The following ANKS6 variants were observed in gnomAD, a reference collection of about 807,000 sequenced individuals.
ANKS6 encodes the protein ankyrin repeat and SAM domain-containing protein 6.
Under a neutral mutation model 77.9 loss-of-function variants are expected in ANKS6, and 47 were observed. The ratio of observed to expected loss-of-function variants is 0.60; its 90% CI spans 0.48 to 0.77. ANKS6 has a LOEUF of 0.77. ANKS6 is among the 30% of genes least tolerant of loss of function. ANKS6 has a pLI of 0.00. For missense variants in ANKS6, 1,150 were observed against 1,159.1 expected (o/e 0.99, Z 0.11); for synonymous variants, 488 against 501.7 (o/e 0.97, Z 0.37).
rs1026000437 is a variant in ANKS6, at chr9:98,793,570, GAGTGCAGT to G, written c.359+2555_359+2562del. On this transcript the variant is annotated intron_variant, in intron 1 of 14. Coordinates refer to ENST00000353234, the MANE Select transcript of ANKS6 (RefSeq NM_173551.5). ...GGAGTCTCGCTCTGTCGCCAGGCTG[GAGTGCAGT>G]GGCGCGATCTCAGCTTACTGCAACC... 1.6e-3 allele frequency among the ~76,000 whole-genome samples: 241 copies of G among 152,126 alleles called. 1 individual carries two copies. The highest frequency in any genetic ancestry group is 5.4e-3 in the African/African-American group (226 of 41,520).
chr9:98,766,300 A>G (rs1328287220), intron 11 of ANKS6, among the ~76,000 whole-genome samples: 1 of 152,214 alleles, frequency 6.6e-6, no homozygotes, highest in African/African-American at 2.4e-5. Flanking sequence ...AGAATAGTTA[A>G]TATAATTTAT....
chr9:98,735,809 T>G lies in ANKS6; in HGVS notation c.*710A>C, dbSNP rs1831466441. Reference sequence around the variant, plus strand: ...AAGAAAAATGCGTTTGACATACACATCTCCAATGTAAGCTGTATGCAGCAG... The same window carrying G: ...AAGAAAAATGCGTTTGACATACACAGCTCCAATGTAAGCTGTATGCAGCAG... On this transcript the variant is annotated 3_prime_UTR_variant, in exon 15 of 15. Coordinates refer to ENST00000353234, the MANE Select transcript of ANKS6 (RefSeq NM_173551.5). 8.1e-7 allele frequency: 1 copy of G among 1,231,528 alleles called. No homozygotes were observed. Among genetic ancestry groups the G allele is most frequent in the Admixed American group, 4.2e-5 (1 of 23,688 alleles). The allele number at this position is 1,231,528 out of a possible 1,614,324, so 76.3% of individuals were successfully genotyped here.
chr9:98,756,391 G>T (rs1380422292), intron 12 of ANKS6, 29 bp downstream of exon 12: 5 of 1,604,210 alleles, frequency 3.1e-6, no homozygotes, highest in Non-Finnish European at 3.4e-6. Context: ...AGAGGAATAG[G>T]TGGGGTTTCA....
At chr9:98,755,652 G>A (rs1258388624) in intron 12 of ANKS6, among the ~76,000 whole-genome samples, 1 of 152,152 alleles carries the variant, frequency 6.6e-6, no homozygotes, top group Non-Finnish European at 1.5e-5. Flanking sequence ...TTTCCTTTGA[G>A]GAACTATTTC....
At chr9:98,751,447 G>A (rs1367941811) in intron 12 of ANKS6, among the ~76,000 whole-genome samples, 2 of 152,218 alleles carry the variant, frequency 1.3e-5, no homozygotes, top group Non-Finnish European at 2.9e-5. Context: ...GTGTGAGAAA[G>A]CACCATAAAT....
intron 3 of ANKS6, 146 bp from the exon 4 acceptor site, chr9:98,784,303 T>A: frequency 3.0e-6 from 2 of 656,158 alleles, no homozygotes; most frequent in Non-Finnish European, 4.8e-6. Context: ...TAAGAGGGCG[T>A]CAGAGATAGC....
At chr9:98,753,000 C>A (rs1164728550) in intron 12 of ANKS6, among the ~76,000 whole-genome samples, 1 of 152,046 alleles carries the variant, frequency 6.6e-6, no homozygotes, top group East Asian at 1.9e-4. Context: ...CTGTTCCCTA[C>A]ACATGCAGCC....
rs143839394 is a variant in ANKS6, at chr9:98,751,690, G to C, written c.2327-594C>G. Among the ~76,000 whole-genome samples, 340 of 152,304 alleles carry C rather than the reference G, an allele frequency of 2.2e-3. 1 individual carries two copies. The highest frequency in any genetic ancestry group is 7.7e-3 in the African/African-American group (319 of 41,564). ...GAATAAAGAAAAGGAGACAAAACCA[G>C]CACCTGAGGGGCTTGGAGAAATATT... is the stretch of plus-strand genomic sequence containing the variant. On this transcript the variant is annotated intron_variant, in intron 12 of 14. Transcript: ENST00000353234.
chr9:98,741,584 A>G (rs1831831666), intron 14 of ANKS6, among the ~76,000 whole-genome samples: 1 of 152,246 alleles, frequency 6.6e-6, no homozygotes, highest in Non-Finnish European at 1.5e-5. Context: ...TATGCACTGC[A>G]TTGACAATCA....
At chr9:98,790,018 T>C in intron 2 of ANKS6, 86 bp downstream of exon 2, 2 of 1,484,746 alleles carry the variant, frequency 1.3e-6, no homozygotes, top group Non-Finnish European at 1.8e-6. Context: ...GTTCTGCGTG[T>C]CCTTCCAGTA....
At chr9:98,789,265 C>T (rs536852857) in intron 2 of ANKS6, among the ~76,000 whole-genome samples, 27 of 151,974 alleles carry the variant, frequency 1.8e-4, no homozygotes, top group Admixed American at 1.1e-3. Context: ...TGAGTCCTGC[C>T]GTCGAAGTCA....
At chr9:98,788,990 T>G (rs982699972) in intron 2 of ANKS6, among the ~76,000 whole-genome samples, 1 of 152,164 alleles carries the variant, frequency 6.6e-6, no homozygotes, top group Non-Finnish European at 1.5e-5. Flanking sequence ...TACAGGCTTT[T>G]AAAACATGTT....
chr9:98,754,764 T>C (rs1488628985), intron 12 of ANKS6, among the ~76,000 whole-genome samples: 1 of 152,196 alleles, frequency 6.6e-6, no homozygotes, highest in Non-Finnish European at 1.5e-5. Flanking sequence ...CTAAGCTTTA[T>C]GAACCAGAGA....
intron 12 of ANKS6, among the ~76,000 whole-genome samples, chr9:98,752,626 C>A (rs1018522003): frequency 1.3e-5 from 2 of 152,180 alleles, no homozygotes; most frequent in Non-Finnish European, 2.9e-5. Context: ...CTTTACAACA[C>A]CAATGAGGTA....
At chr9:98,748,344 G>C (rs1234216073) in intron 13 of ANKS6, among the ~76,000 whole-genome samples, 1 of 152,096 alleles carries the variant, frequency 6.6e-6, no homozygotes, top group African/African-American at 2.4e-5. Context: ...CTTGTGAAGG[G>C]GTAGCAGGAA....
chr9:98,794,054 A>G (rs62561321), intron 1 of ANKS6, among the ~76,000 whole-genome samples: 143,346 of 149,220 alleles, frequency 0.96, 69,095 homozygotes, highest in African/African-American at 0.99. Context: ...GGAGGCTGAG[A>G]CAGGAGAATC....
chr9:98,768,210 C>T lies in ANKS6; in HGVS notation c.2013G>A (p.Gln671=). ...IDNVLSQIAA[Q]RKKAAGLLEQ... ...CCAATAATCCGGCTGCTTTTTTCCT[C>T]TGGGCAGCGATTTGGGACAAGACAT... Residue 671 remains glutamine (Q), a synonymous_variant, in exon 11 of 15, where the codon CAG becomes CAA. Coordinates refer to ENST00000353234, the MANE Select transcript of ANKS6 (RefSeq NM_173551.5). The T allele has an allele frequency of 1.9e-6, 3 of 1,614,154 alleles. No homozygotes were observed. Among genetic ancestry groups the T allele is most frequent in the Non-Finnish European group, 2.5e-6 (3 of 1,180,034 alleles).
At position 98,736,059 on chromosome 9, in the gene ANKS6, T is replaced by G. The variant is rs1038819569; in HGVS notation, c.*460A>C. 1.7e-6 allele frequency: 2 copies of G among 1,179,246 alleles called. No homozygotes were observed. The highest frequency in any genetic ancestry group is 3.2e-5 in the African/African-American group (2 of 63,346). 73.0% of individuals were successfully genotyped at this position (1,179,246 alleles called of 1,614,324 possible). A position where few individuals can be genotyped will look rare whatever the true frequency, so the allele number is the denominator to read the frequency against. On this transcript the variant is annotated 3_prime_UTR_variant, in exon 15 of 15. Transcript: ENST00000353234. ...GCCACTATGTGGAGACTGCACATCC[T>G]GGCCTCCTCTGCATCCAGGTGGGGC...
intron 1 of ANKS6, among the ~76,000 whole-genome samples, chr9:98,793,926 C>A (rs140221485): frequency 6.7e-6 from 1 of 149,294 alleles, no homozygotes; most frequent in East Asian, 2.0e-4. Flanking sequence ...CCGAGGTGGG[C>A]GTTTCACGAA....
Sources: allele counts gnomAD v4.1 joint callset (sites outside exome capture counted in the v4.1 genomes callset), GRCh38; gene constraint gnomAD v4.1.1; transcripts MANE v1.5; gene names NCBI Gene and HGNC (gene_info 2026-07-23, HGNC 2026-07-21).